Variants in REEP1 observed in about 807,000 individuals in gnomAD.
The protein encoded by REEP1 is receptor accessory protein 1.
A neutral mutation model predicts 40.3 loss-of-function variants in REEP1; 22 were observed. That is an observed-to-expected ratio of 0.55 (90% confidence interval 0.39 to 0.78). The LOEUF (loss-of-function observed/expected upper bound fraction) is 0.78. Ranked by LOEUF, REEP1 falls within the 30% of genes least tolerant of loss-of-function variation. REEP1 has a pLI of 0.00. For synonymous variants in REEP1, 116 were observed against 139.2 expected (o/e 0.83, Z 1.17); for missense variants, 280 against 361.1 (o/e 0.78, Z 1.82).
At chr2:86,219,341 G>T (rs1674290506) in intron 8 of REEP1, among the ~76,000 whole-genome samples, 1 of 151,754 alleles carries the variant, frequency 6.6e-6, no homozygotes, top group Non-Finnish European at 1.5e-5. Flanking sequence ...AATTTGGGTT[G>T]TTTTTCACTT....
At chr2:86,296,078 C>T (rs563351118) in intron 1 of REEP1, among the ~76,000 whole-genome samples, 4 of 152,236 alleles carry the variant, frequency 2.6e-5, no homozygotes, top group African/African-American at 7.2e-5. Context: ...TTATGAGCCT[C>T]AAATGGCCAC....
chr2:86,291,453 G>A (rs1678688029), intron 1 of REEP1, among the ~76,000 whole-genome samples: 2 of 152,098 alleles, frequency 1.3e-5, no homozygotes, highest in South Asian at 4.2e-4. Flanking sequence ...ATGTGATTCT[G>A]CCAGCCTCTC....
Position 86,337,391 on chromosome 2 carries a change from G to A in REEP1, c.32+88C>T. On this transcript the variant is annotated intron_variant, in intron 1 of 8. Coordinates refer to ENST00000538924, the MANE Select transcript of REEP1 (RefSeq NM_001371279.1). This position sits in a 1 kb window ranked among gnomAD's most constrained non-coding sequence, Gnocchi z 5.8. ...CCGGGTATTAATAGCCCGAGCCACT[G>A]GGACCGGGCGCTGTAGGGGCGCGCG... 1 of 894,342 alleles carries A rather than the reference G, an allele frequency of 1.1e-6. No individual in the cohort carries two copies. The highest frequency in any genetic ancestry group is 1.4e-6 in the Non-Finnish European group (1 of 691,218). The allele number at this position is 894,342 out of a possible 1,614,324, so 55.4% of individuals were successfully genotyped here. A position where few individuals can be genotyped will look rare whatever the true frequency, so the allele number is the denominator to read the frequency against.
rs79606166 is a variant in REEP1, at chr2:86,298,021, G to A, written c.33-15779C>T. ...TAAGAAATGCCTGAGTTGAGGCATC[G>A]TCAGAGACATCCTGGGGGAAGTGGA... On this transcript the variant is annotated intron_variant, in intron 1 of 8. Transcript: ENST00000538924. Among the ~76,000 whole-genome samples the A allele has an allele frequency of 3.0e-3, 461 of 152,252 alleles. 1 individual carries two copies. Among genetic ancestry groups the A allele is most frequent in the Middle Eastern group, 0.01 (3 of 294 alleles).
chr2:86,261,320 T>C (rs1050831792), intron 3 of REEP1, among the ~76,000 whole-genome samples: 5 of 152,168 alleles, frequency 3.3e-5, no homozygotes, highest in Admixed American at 2.6e-4. Flanking sequence ...GCAAGAGAGA[T>C]CAGATTGTTA....
intron 3 of REEP1, among the ~76,000 whole-genome samples, chr2:86,260,000 T>C (rs898102599): frequency 6.6e-6 from 1 of 152,134 alleles, no homozygotes; most frequent in African/African-American, 2.4e-5. Context: ...CCTAACCTTT[T>C]TGAATAGTAA....
At chr2:86,260,237 T>G (rs1347347136) in intron 3 of REEP1, among the ~76,000 whole-genome samples, 1 of 152,136 alleles carries the variant, frequency 6.6e-6, no homozygotes, top group Admixed American at 6.5e-5. Context: ...GGCAGAAAGG[T>G]TCCTAAGGAG....
At chr2:86,303,459 T>C (rs1440498761) in intron 1 of REEP1, among the ~76,000 whole-genome samples, 1 of 151,698 alleles carries the variant, frequency 6.6e-6, no homozygotes. Flanking sequence ...CCTCAAGTGA[T>C]CCTCCCAATT....
chr2:86,239,427 G>A (rs748984425), intron 5 of REEP1, among the ~76,000 whole-genome samples: 4 of 152,122 alleles, frequency 2.6e-5, no homozygotes, highest in Non-Finnish European at 5.9e-5. Context: ...TCTAATGCCT[G>A]CTACTGAGGA....
intron 5 of REEP1, among the ~76,000 whole-genome samples, chr2:86,235,676 A>G (rs377063309): frequency 1.3e-4 from 20 of 152,318 alleles, no homozygotes; most frequent in African/African-American, 4.3e-4. Context: ...TCAGCAACAT[A>G]TGTGAGAGAA....
At chr2:86,268,032 C>T (rs1677236862) in intron 2 of REEP1, among the ~76,000 whole-genome samples, 1 of 151,288 alleles carries the variant, frequency 6.6e-6, no homozygotes, top group African/African-American at 2.4e-5. Context: ...TTTTAAAACC[C>T]TACAGCTAAC....
At chr2:86,286,080 G>C (rs17738058) in intron 1 of REEP1, among the ~76,000 whole-genome samples, 54,898 of 151,902 alleles carry the variant, frequency 0.36, 11,970 homozygotes, top group East Asian at 0.58. Flanking sequence ...TCTGTGTAAA[G>C]GCTCCATGGA....
chr2:86,245,861 T>G lies in REEP1; in HGVS notation c.417+6096A>C, dbSNP rs1276426027. 3.3e-5 allele frequency among the ~76,000 whole-genome samples: 5 copies of G among 151,832 alleles called. 1 individual carries two copies. The highest frequency in any genetic ancestry group is 1.2e-4 in the African/African-American group (5 of 41,310). On this transcript the variant is annotated intron_variant, in intron 5 of 8. Transcript: ENST00000538924. The stretch of plus-strand genomic sequence containing the variant: ...CTCACTGCAAGCTCCGCCTCCCTGG[T>G]TCACGCCATTCTCCTGCCTCAGCCT...
At chr2:86,275,926 G>A (rs1015041375) in intron 2 of REEP1, among the ~76,000 whole-genome samples, 3 of 152,220 alleles carry the variant, frequency 2.0e-5, no homozygotes, top group Non-Finnish European at 4.4e-5. Context: ...CTGGGAATGA[G>A]GTGAATGGGC....
intron 5 of REEP1, 124 bp from the exon 6 acceptor site, chr2:86,232,926 C>A (rs1224887363): frequency 7.4e-6 from 7 of 946,242 alleles, no homozygotes; most frequent in Admixed American, 6.0e-5. Context: ...AACTCTGAGG[C>A]GCAGGTGCCC....
intron 1 of REEP1, among the ~76,000 whole-genome samples, chr2:86,295,127 A>G (rs1678915901): frequency 6.6e-6 from 1 of 152,262 alleles, no homozygotes; most frequent in South Asian, 2.1e-4. Flanking sequence ...GAGAATTTTC[A>G]GCACGTGTCT....
At chr2:86,262,674 C>T (rs1676928834) in intron 3 of REEP1, among the ~76,000 whole-genome samples, 1 of 152,212 alleles carries the variant, frequency 6.6e-6, no homozygotes, top group African/African-American at 2.4e-5. Context: ...CTGTTTTCTC[C>T]AAAGTGGAAA....
At chr2:86,328,745 G>A (rs1019343647) in intron 1 of REEP1, among the ~76,000 whole-genome samples, 1 of 152,220 alleles carries the variant, frequency 6.6e-6, no homozygotes, top group Non-Finnish European at 1.5e-5. Flanking sequence ...TGTGACAGGG[G>A]TGTGGCTTGC....
intron 1 of REEP1, among the ~76,000 whole-genome samples, chr2:86,318,440 C>T (rs1680132056): frequency 6.8e-6 from 1 of 147,960 alleles, no homozygotes; most frequent in Admixed American, 6.9e-5. Flanking sequence ...GCTCTGTCAC[C>T]CAGGCTGGAG....
Sources: gnomAD v4.1 joint callset for allele counts (sites outside exome capture counted in the v4.1 genomes callset) on GRCh38, gnomAD v4.1.1 for gene constraint, Gnocchi (gnomAD v3.1) non-coding constraint, MANE v1.5 for transcripts, NCBI Gene and HGNC (gene_info 2026-07-23, HGNC 2026-07-21) for gene names.